The following GBF1 variants were observed in gnomAD, a reference collection of about 807,000 sequenced individuals.
GBF1 encodes the protein golgi brefeldin A resistant guanine nucleotide exchange factor 1.
Under a neutral mutation model 210.5 loss-of-function variants are expected in GBF1, and 114 were observed. The ratio of observed to expected loss-of-function variants is 0.54; its 90% CI spans 0.47 to 0.63. GBF1 has a LOEUF of 0.63. Ranked by LOEUF, GBF1 falls within the 30% of genes least tolerant of loss-of-function variation. The probability of loss-of-function intolerance (pLI) is 0.00; values close to 1 mark genes in which losing one functional copy is unlikely to be tolerated. For missense variants in GBF1, 1,851 were observed against 2,357.7 expected (o/e 0.79, Z 4.45); for synonymous variants, 850 against 889.2 (o/e 0.96, Z 0.78).
At chr10:102,288,321 C>G (rs538755208) in intron 3 of GBF1, among the ~76,000 whole-genome samples, 1 of 135,862 alleles carries the variant, frequency 7.4e-6, no homozygotes, top group South Asian at 2.7e-4. Flanking sequence ...TTTTTTCAGA[C>G]TGAGATATAT....
intron 3 of GBF1, among the ~76,000 whole-genome samples, chr10:102,313,065 C>G (rs1271312652): frequency 6.6e-6 from 1 of 151,946 alleles, no homozygotes; most frequent in Non-Finnish European, 1.5e-5. Context: ...TTAGGCAGGG[C>G]CAAGAAAGTA....
chr10:102,256,081 G>A (rs1021626688), intron 1 of GBF1, among the ~76,000 whole-genome samples: 4 of 152,182 alleles, frequency 2.6e-5, no homozygotes, highest in Admixed American at 1.3e-4. Context: ...TGGCAACTGG[G>A]ACTACAGGTG....
intron 3 of GBF1, among the ~76,000 whole-genome samples, chr10:102,319,318 TCAA>T (rs199689302): frequency 0.11 from 16,902 of 151,788 alleles, 1,215 homozygotes; most frequent in East Asian, 0.24. Context: ...AGACTCCGTC[TCAA>T]CAACAACAAC....
chr10:102,255,507 A>G (rs1277192795), intron 1 of GBF1, among the ~76,000 whole-genome samples: 2 of 152,220 alleles, frequency 1.3e-5, no homozygotes, highest in African/African-American at 2.4e-5. Context: ...AAAAGGTAAA[A>G]AAGAATATAC....
rs375948001 is a variant in GBF1 at position 102,365,595 on chromosome 10, G to C, written c.2305G>C (p.Val769Leu). The C allele has an allele frequency of 1.9e-6, 3 of 1,613,370 alleles. No individual in the cohort carries two copies. The highest frequency in any genetic ancestry group is 1.6e-4 in the Middle Eastern group (1 of 6,082). The change falls in exon 18 of 40, where the codon GTG becomes CTG. Residue 769 changes from valine (V) to leucine (L), a missense_variant. Physicochemically the swap from Val to Leu is conservative, Grantham distance 32. Around this residue, in one of 3 missense-constraint regions of GBF1, gnomAD observed 804 missense variants for 958.6 expected, o/e 0.84. Coordinates refer to ENST00000369983, the MANE Select transcript of GBF1 (RefSeq NM_001377137.1). ...AAACATTGACCTGTTGGAGAGCTTTGTGAGGTGAGGAAGCTGTAAGAAATG... is the reference window on the plus strand; with the variant it reads ...AAACATTGACCTGTTGGAGAGCTTTCTGAGGTGAGGAAGCTGTAAGAAATG... ...RKNIDLLESF[V>L]STFSFQGLRL...
the GBF1 span, chr10:102,231,791 C>G: frequency 6.3e-7 from 1 of 1,599,232 alleles, no homozygotes; most frequent in Non-Finnish European, 8.5e-7. Flanking sequence ...TTTTCTGAGT[C>G]TGGGGGCCAG....
At chr10:102,320,479 C>T (rs953211449) in intron 3 of GBF1, among the ~76,000 whole-genome samples, 3 of 151,794 alleles carry the variant, frequency 2.0e-5, no homozygotes, top group Admixed American at 6.6e-5. Flanking sequence ...CAATAATTTC[C>T]CCTTTTCCCC....
Position 102,382,168 on chromosome 10 carries a change from T to A in GBF1, c.5415T>A (p.Ala1805=). The change falls in exon 40 of 40, where the codon GCT becomes GCA. Residue 1805 remains alanine, a synonymous_variant. Transcript: ENST00000369983. ...SPTPDGPPPL[A]QPPLILQPLA... Reference sequence around the variant, plus strand: ...CCCCCGACGGGCCTCCACCCTTGGCTCAGCCCCCACTGATCCTGCAGCCCT... The same window carrying A: ...CCCCCGACGGGCCTCCACCCTTGGCACAGCCCCCACTGATCCTGCAGCCCT... 1 of 1,613,592 alleles carries A rather than the reference T, an allele frequency of 6.2e-7. No individual in the cohort carries two copies. The highest frequency in any genetic ancestry group is 8.5e-7 in the Non-Finnish European group (1 of 1,179,726).
chr10:102,232,543 GGGGTGGCACGTGCC>G, the GBF1 span, among the ~76,000 whole-genome samples: 6 of 152,150 alleles, frequency 3.9e-5, no homozygotes, highest in African/African-American at 1.4e-4. Context: ...ATTGCTGGGC[GGGGTGGCACGTGCC>G]TGTAATCTCA....
chr10:102,346,805 C>A (rs1404666634), intron 4 of GBF1, among the ~76,000 whole-genome samples: 1 of 152,208 alleles, frequency 6.6e-6, no homozygotes, highest in Non-Finnish European at 1.5e-5. Context: ...TTGCACTCAG[C>A]CTTTTGTTGC....
chr10:102,244,398 G>T (rs933885836), upstream of GBF1, among the ~76,000 whole-genome samples: 3 of 152,172 alleles, frequency 2.0e-5, no homozygotes, highest in African/African-American at 4.8e-5. Flanking sequence ...TCATGATTCA[G>T]TCTCCTAGGA....
intron 3 of GBF1, among the ~76,000 whole-genome samples, chr10:102,338,747 G>C (rs1477582243): frequency 6.6e-6 from 1 of 151,818 alleles, no homozygotes; most frequent in Non-Finnish European, 1.5e-5. Context: ...GGGAGTTTGA[G>C]ACCAGCCTGA....
intron 29 of GBF1, among the ~76,000 whole-genome samples, chr10:102,371,600 C>T (rs1420012869): frequency 6.6e-6 from 1 of 152,174 alleles, no homozygotes; most frequent in Non-Finnish European, 1.5e-5. Flanking sequence ...AAGGCACAAG[C>T]TCTAGAATAG....
Position 102,358,624 on chromosome 10 carries a change from C to T in GBF1, c.906C>T (p.Ser302=), listed in dbSNP as rs2059424415. Residue 302 remains serine, a synonymous_variant, in exon 10 of 40, where the codon TCC becomes TCT. Transcript: ENST00000369983. ...TGGAATTCTCCTCCCAAACCACTTC[C>T]AAGGAAGACCTTACTGATCTAGAGC... ...SGLEFSSQTT[S]KEDLTDLEQP... 6.2e-7 allele frequency: 1 copy of T among 1,613,550 alleles called. No individual in the cohort carries two copies. Among genetic ancestry groups the T allele is most frequent in the Non-Finnish European group, 8.5e-7 (1 of 1,179,572 alleles).
intron 3 of GBF1, among the ~76,000 whole-genome samples, chr10:102,313,341 AC>A (rs2078647802): frequency 6.6e-6 from 1 of 152,068 alleles, no homozygotes. Context: ...GTGGGCCCTT[AC>A]GTGAAAGAAA....
chr10:102,277,969 T>A (rs1009786217), intron 3 of GBF1, among the ~76,000 whole-genome samples: 1 of 152,186 alleles, frequency 6.6e-6, no homozygotes, highest in Non-Finnish European at 1.5e-5. Context: ...AACATTTTTT[T>A]AAAATTTTTT....
intron 3 of GBF1, among the ~76,000 whole-genome samples, chr10:102,286,972 G>C (rs2076004300): frequency 6.6e-6 from 1 of 152,194 alleles, no homozygotes; most frequent in Admixed American, 6.5e-5. Context: ...GGACTCTTCT[G>C]ATGGGGCCTT....
chr10:102,312,159 C>G (rs1339314222), intron 3 of GBF1, among the ~76,000 whole-genome samples: 2 of 152,016 alleles, frequency 1.3e-5, no homozygotes, highest in Non-Finnish European at 2.9e-5. Flanking sequence ...GGCGTGGTGG[C>G]GCATGCCTGT....
intron 3 of GBF1, among the ~76,000 whole-genome samples, chr10:102,314,829 A>G (rs1259832035): frequency 6.6e-6 from 1 of 152,154 alleles, no homozygotes; most frequent in Non-Finnish European, 1.5e-5. Flanking sequence ...TTAATATGAA[A>G]AACATCTACC....
Sources: gnomAD v4.1 joint callset for allele counts (sites outside exome capture counted in the v4.1 genomes callset) on GRCh38, gnomAD v4.1.1 for gene constraint, gnomAD v4.1.1 regional missense constraint, MANE v1.5 for transcripts, NCBI Gene and HGNC (gene_info 2026-07-23, HGNC 2026-07-21) for gene names.